Variants in OSBPL10 observed in about 807,000 individuals in gnomAD.
OSBPL10 encodes oxysterol-binding protein-related protein 10.
In OSBPL10, 49 loss-of-function variants were observed where a neutral mutation model predicts 81.7. That is an observed-to-expected ratio of 0.60 (90% CI 0.48 to 0.76). The LOEUF (loss-of-function observed/expected upper bound fraction) is 0.76, where lower values mean the gene tolerates loss of function less well. Among genes scored for constraint, OSBPL10 ranks in the 30% least tolerant of loss-of-function variants. The pLI, the probability that OSBPL10 is intolerant of heterozygous loss-of-function variation, is 0.00. For synonymous variants in OSBPL10, 419 were observed against 383.6 expected (o/e 1.09, Z -1.08); for missense variants, 923 against 987.8 (o/e 0.93, Z 0.88).
chr3:32,027,233 T>C (rs1037421485), intron 2 of OSBPL10, among the ~76,000 whole-genome samples: 2 of 152,110 alleles, frequency 1.3e-5, no homozygotes, highest in African/African-American at 2.4e-5. Context: ...CCTGTGTCCA[T>C]GTGTTCTCAC....
chr3:31,781,132 A>G (rs547237037), intron 4 of OSBPL10, among the ~76,000 whole-genome samples: 1 of 152,358 alleles, frequency 6.6e-6, no homozygotes, highest in East Asian at 1.9e-4. Context: ...ACTGGGTTTC[A>G]TACCAGGGAT....
intron 1 of OSBPL10, among the ~76,000 whole-genome samples, chr3:31,943,566 T>G (rs1194638143): frequency 6.6e-6 from 1 of 152,242 alleles, no homozygotes. Context: ...AAAATCTTAC[T>G]GTCTAGTTAT....
In OSBPL10 at chr3:31,871,624, A is replaced by T. The variant is rs140837310; in HGVS notation, c.537+4809T>A. Among the ~76,000 whole-genome samples the T allele has an allele frequency of 8.9e-3, 1,360 of 152,290 alleles. 16 individuals are homozygous for T. Among genetic ancestry groups the T allele is most frequent in the African/African-American group, 0.031 (1,277 of 41,556 alleles). ...AGTGGCTCATGCCTATAATCCCAGCACTTTGGGAGGGCAAGGCAGGAGGAT... is the reference window on the plus strand; with the variant it reads ...AGTGGCTCATGCCTATAATCCCAGCTCTTTGGGAGGGCAAGGCAGGAGGAT... On this transcript the variant is annotated intron_variant, in intron 3 of 11. Coordinates refer to ENST00000396556, the MANE Select transcript of OSBPL10 (RefSeq NM_017784.5).
rs74738180 is a variant in OSBPL10, at chr3:31,662,355, G to A, written c.2251-239C>T. The A allele has an allele frequency of 5.2e-3, 6,557 of 1,267,302 alleles. 268 individuals are homozygous for A. In the African/African-American group the frequency reaches 0.089, roughly 17 times the overall value. 78.5% of individuals were successfully genotyped at this position (1,267,302 alleles called of 1,614,324 possible). On this transcript the variant is annotated intron_variant, in intron 11 of 11. Coordinates refer to ENST00000396556, the MANE Select transcript of OSBPL10 (RefSeq NM_017784.5). ...CCAAGAAATGAGCAAAATAAAAGGG[G>A]AGCTTGGTTGGCTTCCATCGAGACT...
chr3:31,692,103 C>G (rs1695573955), intron 7 of OSBPL10, among the ~76,000 whole-genome samples: 1 of 152,068 alleles, frequency 6.6e-6, no homozygotes, highest in African/African-American at 2.4e-5. Flanking sequence ...AAGATATTTA[C>G]TATATAGAAA....
rs58285015 is a variant in OSBPL10 at position 31,769,456 on chromosome 3, A to C, written c.730-21336T>G. On this transcript the variant is annotated intron_variant, in intron 4 of 11. Coordinates refer to ENST00000396556, the MANE Select transcript of OSBPL10 (RefSeq NM_017784.5). ...GCAAAACTCCATCTCAAAAAAAAAA[A>C]AACAAAAAAAAAACAAAAAAAAACA... Among the ~76,000 whole-genome samples the C allele has an allele frequency of 7.6e-3, 665 of 87,166 alleles. 97 individuals are homozygous for C. Among genetic ancestry groups the C allele is most frequent in the African/African-American group, 0.029 (634 of 22,130 alleles). 57.2% of individuals were successfully genotyped at this position (87,166 alleles called of 152,430 possible).
intron 6 of OSBPL10, chr3:31,718,305 T>G (rs954032604): frequency 6.6e-6 from 1 of 152,158 alleles, no homozygotes; most frequent in Non-Finnish European, 1.5e-5. Context: ...TTTTTTGTAT[T>G]TTTAGTAGAG....
At chr3:31,759,914 A>C (rs1902340) in intron 4 of OSBPL10, among the ~76,000 whole-genome samples, 124,315 of 152,080 alleles carry the variant, frequency 0.82, 51,173 homozygotes, top group African/African-American at 0.92. Context: ...CATACACCAC[A>C]ACACCTGGCT....
chr3:31,905,951 C>T (rs963909612), intron 1 of OSBPL10, among the ~76,000 whole-genome samples: 2 of 151,792 alleles, frequency 1.3e-5, no homozygotes, highest in Non-Finnish European at 2.9e-5. Context: ...CAGATCCAGC[C>T]TGAATTTTGA....
chr3:31,674,528 C>G (rs918145304), intron 8 of OSBPL10, among the ~76,000 whole-genome samples: 1 of 152,012 alleles, frequency 6.6e-6, no homozygotes, highest in African/African-American at 2.4e-5. Context: ...TCACTGCACT[C>G]CAGCCTGGAC....
chr3:31,667,316 A>G lies in OSBPL10; in HGVS notation c.2096+1326T>C, dbSNP rs560498904. ...TGAAAAAGACAACTGGTAAGAGTCC[A>G]AGCTCTCCAGTTAGACACAGAGAAA... On this transcript the variant is annotated intron_variant, in intron 10 of 11. Transcript: ENST00000396556. 9.8e-5 allele frequency among the ~76,000 whole-genome samples: 15 copies of G among 152,354 alleles called. No individual in the cohort carries two copies. The East Asian group carries it at 2.9e-3, about 29-fold the overall frequency.
At chr3:31,973,209 C>T (rs1257977531) in intron 1 of OSBPL10, among the ~76,000 whole-genome samples, 2 of 152,320 alleles carry the variant, frequency 1.3e-5, no homozygotes, top group East Asian at 3.9e-4. Context: ...AGTCCTCAGA[C>T]AACTGTCCAC....
At chr3:31,821,197 T>C (rs751777555) in intron 4 of OSBPL10, among the ~76,000 whole-genome samples, 52 of 151,994 alleles carry the variant, frequency 3.4e-4, no homozygotes, top group Non-Finnish European at 5.4e-4. Flanking sequence ...AGTTGAGGAT[T>C]GGTGGGGGAC....
intron 5 of OSBPL10, among the ~76,000 whole-genome samples, chr3:31,740,870 T>TATATATATATATA (rs1553620070): frequency 2.0e-5 from 3 of 149,440 alleles, no homozygotes; most frequent in Non-Finnish European, 3.0e-5. Flanking sequence ...TATATATATG[T>TATATATATATATA]CATATTTCTT....
chr3:31,663,171 G>T (rs1471624034), intron 11 of OSBPL10: 1 of 985,230 alleles, frequency 1.0e-6, no homozygotes, highest in Non-Finnish European at 1.2e-6. Flanking sequence ...CCAGCACCTG[G>T]GCTAAGGAAA....
At chr3:31,761,701 G>A (rs1698046278) in intron 4 of OSBPL10, among the ~76,000 whole-genome samples, 1 of 150,956 alleles carries the variant, frequency 6.6e-6, no homozygotes, top group South Asian at 2.1e-4. Flanking sequence ...ATTGACACCA[G>A]CTAATCCAGA....
intron 2 of OSBPL10, among the ~76,000 whole-genome samples, chr3:32,018,940 G>A (rs1183076001): frequency 6.6e-6 from 1 of 152,092 alleles, no homozygotes; most frequent in African/African-American, 2.4e-5. Flanking sequence ...AGTAGATAAG[G>A]TGGAGGAAAG....
chr3:31,797,863 G>A (rs1699273799), intron 4 of OSBPL10: 1 of 451,558 alleles, frequency 2.2e-6, no homozygotes, highest in Non-Finnish European at 4.5e-6. Context: ...GGGATGGGGG[G>A]GTGAATGTTA....
At chr3:31,755,828 ATTGCACC>A (rs1697871999) in intron 4 of OSBPL10, among the ~76,000 whole-genome samples, 1 of 152,162 alleles carries the variant, frequency 6.6e-6, no homozygotes, top group Non-Finnish European at 1.5e-5. Flanking sequence ...AAAATTCTGA[ATTGCACC>A]TACACACTCA....
Sources: allele counts gnomAD v4.1 joint callset (sites outside exome capture counted in the v4.1 genomes callset), GRCh38; gene constraint gnomAD v4.1.1; transcripts MANE v1.5; gene names NCBI Gene and HGNC (gene_info 2026-07-23, HGNC 2026-07-21).